Variants in KIAA1549L observed in about 807,000 individuals in gnomAD.
The protein encoded by KIAA1549L is KIAA1549 like.
KIAA1549L carries 88 observed loss-of-function variants against 160.7 expected under a neutral mutation model. The ratio of observed to expected loss-of-function variants is 0.55; its 90% CI spans 0.46 to 0.65. KIAA1549L has a LOEUF of 0.65. Ranked by LOEUF, KIAA1549L falls within the 30% of genes least tolerant of loss-of-function variation. The pLI, the probability that KIAA1549L is intolerant of heterozygous loss-of-function variation, is 0.00. For synonymous variants in KIAA1549L, 950 were observed against 976.7 expected, an observed-to-expected ratio of 0.97 and a Z score of 0.51; for missense variants, 2,258 against 2,437.5, an observed-to-expected ratio of 0.93 and a Z score of 1.55.
intron 15 of KIAA1549L, among the ~76,000 whole-genome samples, chr11:33,611,079 C>T (rs950106044): frequency 6.6e-6 from 1 of 152,226 alleles, no homozygotes; most frequent in Non-Finnish European, 1.5e-5. Flanking sequence ...GCCTTCCAAG[C>T]TTTGTTGCTG....
chr11:33,523,865 C>T (rs926250675), intron 1 of KIAA1549L, among the ~76,000 whole-genome samples: 6 of 152,036 alleles, frequency 3.9e-5, no homozygotes, highest in East Asian at 1.9e-4. Flanking sequence ...TTTTTTATGG[C>T]GGTCTTCCTC....
At chr11:33,474,492 A>G (rs1346640038) in intron 1 of KIAA1549L, among the ~76,000 whole-genome samples, 1 of 152,204 alleles carries the variant, frequency 6.6e-6, no homozygotes, top group Non-Finnish European at 1.5e-5. Flanking sequence ...CTGTCTTAGA[A>G]TCACATGTGT....
intron 1 of KIAA1549L, among the ~76,000 whole-genome samples, chr11:33,388,708 A>G (rs1011465698): frequency 5.3e-5 from 8 of 152,236 alleles, no homozygotes; most frequent in Admixed American, 3.3e-4. Flanking sequence ...CTTTTATTAT[A>G]AAAGAGAATA....
At chr11:33,607,972 G>A (rs1420996333) in intron 14 of KIAA1549L, among the ~76,000 whole-genome samples, 1 of 152,170 alleles carries the variant, frequency 6.6e-6, no homozygotes, top group African/African-American at 2.4e-5. Flanking sequence ...GGGTCCAGTG[G>A]CTTGTTCAAA....
In KIAA1549L at chr11:33,585,284, C is replaced by T. The variant is rs186355593; in HGVS notation, c.4566+1783C>T. Among the ~76,000 whole-genome samples, 810 of 152,236 alleles carry T rather than the reference C, an allele frequency of 5.3e-3. 7 individuals carry two copies. Among genetic ancestry groups the T allele is most frequent in the Non-Finnish European group, 6.0e-3 (405 of 68,016 alleles). ...CTGTAATCCCAGCATTTTGGGAGGC[C>T]GAGGCGGGCGGATCACCTGAGATCA... On this transcript the variant is annotated intron_variant, in intron 11 of 20. Coordinates refer to ENST00000658780, the MANE Select transcript of KIAA1549L (RefSeq NM_012194.3).
intron 16 of KIAA1549L, among the ~76,000 whole-genome samples, chr11:33,640,844 A>G (rs1257865852): frequency 1.3e-5 from 2 of 152,202 alleles, no homozygotes; most frequent in African/African-American, 2.4e-5. Context: ...GAAAAAAATG[A>G]GTTTCTCAGA....
chr11:33,503,081 C>T (rs770899880), intron 1 of KIAA1549L, among the ~76,000 whole-genome samples: 4 of 152,202 alleles, frequency 2.6e-5, no homozygotes, highest in Non-Finnish European at 4.4e-5. Context: ...AGAAACAGAA[C>T]ATTACTAGCT....
chr11:33,497,276 GATA>G (rs2133079608), intron 1 of KIAA1549L, among the ~76,000 whole-genome samples: 1 of 152,284 alleles, frequency 6.6e-6, no homozygotes, highest in African/African-American at 2.4e-5. Context: ...GCACAAAGGG[GATA>G]ATAATAGGCC....
intron 19 of KIAA1549L, among the ~76,000 whole-genome samples, chr11:33,659,576 G>C (rs1411951205): frequency 6.6e-6 from 1 of 152,196 alleles, no homozygotes; most frequent in African/African-American, 2.4e-5. Flanking sequence ...GACGTAATTG[G>C]TTTCTTAGTT....
chr11:33,621,141 A>G (rs1850948602), intron 16 of KIAA1549L, among the ~76,000 whole-genome samples: 2 of 152,246 alleles, frequency 1.3e-5, no homozygotes, highest in South Asian at 4.1e-4. Context: ...CCCAAAGGAA[A>G]AGCCTGAATG....
At chr11:33,568,298 T>C in intron 9 of KIAA1549L, 71 bp downstream of exon 9, 2 of 1,441,978 alleles carry the variant, frequency 1.4e-6, no homozygotes, top group Non-Finnish European at 1.9e-6. Flanking sequence ...TTCCTGAGAC[T>C]AAATAAGTCA....
Position 33,544,941 on chromosome 11 carries a change from A to G in KIAA1549L, c.2948A>G (p.Lys983Arg). 6 of 1,613,756 alleles carry G rather than the reference A, an allele frequency of 3.7e-6. No individual in the cohort carries two copies. Among genetic ancestry groups the G allele is most frequent in the Non-Finnish European group, 5.1e-6 (6 of 1,179,766 alleles). ...AGCAGTTCGATGACTACTCTTGCTA[A>G]AAATGTCACAAACAAGGCCGCATCT... is the stretch of plus-strand genomic sequence containing the variant. ...AKSSSMTTLAKNVTNKAASGP... is the reference protein window; with the variant it reads ...AKSSSMTTLARNVTNKAASGP... The change falls in exon 3 of 21, where the codon AAA becomes AGA. Residue 983 changes from lysine (K) to arginine (R), a missense_variant. This residue lies in a region of KIAA1549L where 1,359 missense variants were observed against 1,546.6 expected (regional missense o/e 0.88). Transcript: ENST00000658780.
At chr11:33,593,428 G>A (rs1850115092) in intron 12 of KIAA1549L, among the ~76,000 whole-genome samples, 1 of 152,144 alleles carries the variant, frequency 6.6e-6, no homozygotes, top group African/African-American at 2.4e-5. Flanking sequence ...GACAGAGTGA[G>A]GGCTTGTCTC....
intron 2 of KIAA1549L, 139 bp from the exon 3 acceptor site, chr11:33,544,628 G>T: frequency 9.0e-7 from 1 of 1,106,220 alleles, no homozygotes; most frequent in Non-Finnish European, 1.3e-6. Flanking sequence ...GAGTTGTTTT[G>T]CCTAAGTTCT....
In KIAA1549L at chr11:33,621,663, GA is replaced by G. The variant is rs35999065; in HGVS notation, c.5409+3011del. 4.3e-3 allele frequency among the ~76,000 whole-genome samples: 637 copies of G among 148,074 alleles called. 2 individuals are homozygous for G. The highest frequency in any genetic ancestry group is 6.5e-3 in the East Asian group (33 of 5,100). On this transcript the variant is annotated intron_variant, in intron 16 of 20. Coordinates refer to ENST00000658780, the MANE Select transcript of KIAA1549L (RefSeq NM_012194.3). ...GAAAATAATGAAGCAGTAAGGAAAAGAAAAAAAAAATGCTGTAAATATGATT... is the reference window on the plus strand; with the variant it reads ...GAAAATAATGAAGCAGTAAGGAAAAGAAAAAAAAATGCTGTAAATATGATT...
chr11:33,435,794 A>ATGTGTGTGTGTGTGTGTGTGTGTGTGTG lies in KIAA1549L; in HGVS notation c.238+58906_238+58907insGTGTGTGTGTGTGTGTGTGTGTGTGTGT, dbSNP rs1447364209. On this transcript the variant is annotated intron_variant, in intron 1 of 20. Transcript: ENST00000658780. ...TATATATATATATATATATATATAT[A>ATGTGTGTGTGTGTGTGTGTGTGTGTGTG]TATATATATATATATATGTGTGTGT... Among the ~76,000 whole-genome samples, 3 of 32,358 alleles carry ATGTGTGTGTGTGTGTGTGTGTGTGTGTG rather than the reference A, an allele frequency of 9.3e-5. 1 individual carries two copies. Among genetic ancestry groups the ATGTGTGTGTGTGTGTGTGTGTGTGTGTG allele is most frequent in the African/African-American group, 6.7e-4 (3 of 4,506 alleles). The allele number at this position is 32,358 out of a possible 152,430, so 21.2% of individuals were successfully genotyped here.
At chr11:33,443,020 GATTTGCTTA>G (rs1590248455) in intron 1 of KIAA1549L, among the ~76,000 whole-genome samples, 2 of 152,078 alleles carry the variant, frequency 1.3e-5, no homozygotes, top group South Asian at 4.2e-4. Context: ...TTTTCAAAAT[GATTTGCTTA>G]ATTTGCTTAA....
At chr11:33,501,517 G>A (rs1852948174) in intron 1 of KIAA1549L, among the ~76,000 whole-genome samples, 1 of 152,174 alleles carries the variant, frequency 6.6e-6, no homozygotes, top group African/African-American at 2.4e-5. Flanking sequence ...GACATAGAGT[G>A]GTGAACAAGA....
intron 1 of KIAA1549L, among the ~76,000 whole-genome samples, chr11:33,422,817 T>C (rs996381848): frequency 6.6e-6 from 1 of 152,060 alleles, no homozygotes; most frequent in South Asian, 2.1e-4. Flanking sequence ...CTTATGACTT[T>C]TTAAAGTTTT....
Sources: gnomAD v4.1 joint callset for allele counts (sites outside exome capture counted in the v4.1 genomes callset) on GRCh38, gnomAD v4.1.1 for gene constraint, gnomAD v4.1.1 regional missense constraint, MANE v1.5 for transcripts, NCBI Gene and HGNC (gene_info 2026-07-23, HGNC 2026-07-21) for gene names.